The following ITGA2 variants were observed in gnomAD, a reference collection of about 807,000 sequenced individuals.
ITGA2 encodes integrin subunit alpha 2.
In ITGA2, 101 loss-of-function variants were observed where a neutral mutation model predicts 146.3. The ratio of observed to expected loss-of-function variants is 0.69; its 90% CI spans 0.59 to 0.81. ITGA2 has a LOEUF of 0.81. Ranked by LOEUF, ITGA2 falls within the 40% of genes least tolerant of loss-of-function variation. The pLI, the probability that ITGA2 is intolerant of heterozygous loss-of-function variation, is 0.00. For missense variants in ITGA2, 1,281 were observed against 1,402.7 expected, an observed-to-expected ratio of 0.91 and a Z score of 1.39; for synonymous variants, 477 against 487.1, an observed-to-expected ratio of 0.98 and a Z score of 0.27.
intron 1 of ITGA2, among the ~76,000 whole-genome samples, chr5:53,026,250 A>C (rs1742938515): frequency 6.6e-6 from 1 of 152,238 alleles, no homozygotes; most frequent in Non-Finnish European, 1.5e-5. Flanking sequence ...TTTCATATAG[A>C]GTCCATGTCA....
Position 53,094,417 on chromosome 5 carries a change from T to C in ITGA2, c.*3818T>C, listed in dbSNP as rs1384403184. On this transcript the variant is annotated 3_prime_UTR_variant, in exon 30 of 30. Coordinates refer to ENST00000296585, the MANE Select transcript of ITGA2 (RefSeq NM_002203.4). ...GATTAAGTCAAAATATGAATGTATA[T>C]ATTGCATAACTATGTTAGAATTGTA... 1 of 152,210 alleles carries C rather than the reference T, an allele frequency of 6.6e-6. No homozygotes were observed. The highest frequency in any genetic ancestry group is 1.5e-5 in the Non-Finnish European group (1 of 68,002). The allele number at this position is 152,210 out of a possible 1,614,324, so 9.4% of individuals were successfully genotyped here. A position where few individuals can be genotyped will look rare whatever the true frequency, so the allele number is the denominator to read the frequency against.
chr5:53,006,246 T>C (rs1306617165), intron 1 of ITGA2, among the ~76,000 whole-genome samples: 1 of 152,174 alleles, frequency 6.6e-6, no homozygotes, highest in Non-Finnish European at 1.5e-5. Context: ...GTGAAATTTT[T>C]TAAAAATGGT....
In ITGA2 at chr5:53,045,062, C is replaced by T. The variant is rs1426669869; in HGVS notation, c.357C>T (p.Leu119=). 3.1e-6 allele frequency: 5 copies of T among 1,613,784 alleles called. No homozygotes were observed. In the South Asian group the frequency reaches 3.3e-5, roughly 11 times the overall value. Reference sequence around the variant, plus strand: ...CCAACATGAGCCTCGGCTTGATCCTCACCAGGAACATGGGAACTGGAGGTT... The same window carrying T: ...CCAACATGAGCCTCGGCTTGATCCTTACCAGGAACATGGGAACTGGAGGTT... ...MKTNMSLGLI[L]TRNMGTGGFL... Residue 119 remains leucine (L), a synonymous_variant, in exon 4 of 30, where the codon CTC becomes CTT. Coordinates refer to ENST00000296585, the MANE Select transcript of ITGA2 (RefSeq NM_002203.4).
intron 7 of ITGA2, among the ~76,000 whole-genome samples, chr5:53,055,233 A>T (rs981892278): frequency 2.0e-5 from 3 of 152,120 alleles, no homozygotes; most frequent in Non-Finnish European, 4.4e-5. Flanking sequence ...ATTAATTCAT[A>T]CTGATTAATT....
intron 1 of ITGA2, among the ~76,000 whole-genome samples, chr5:52,991,640 G>A (rs1226611401): frequency 6.6e-6 from 1 of 152,082 alleles, no homozygotes; most frequent in Non-Finnish European, 1.5e-5. Flanking sequence ...ACACATGTGT[G>A]TTTAGACATC....
chr5:53,016,035 C>T (rs1160712403), intron 1 of ITGA2, among the ~76,000 whole-genome samples: 1 of 152,176 alleles, frequency 6.6e-6, no homozygotes. Flanking sequence ...TTGCTTCTTT[C>T]TCCAACTTGC....
chr5:53,017,476 T>C (rs1274598772), intron 1 of ITGA2, among the ~76,000 whole-genome samples: 2 of 152,222 alleles, frequency 1.3e-5, no homozygotes, highest in Non-Finnish European at 2.9e-5. Context: ...AAAGTGTTCA[T>C]GCTCTATATT....
chr5:53,083,089 T>G lies in ITGA2; in HGVS notation c.3145-251T>G, dbSNP rs138136881. Among the ~76,000 whole-genome samples the G allele has an allele frequency of 5.5e-3, 837 of 152,294 alleles. 7 individuals are homozygous for G. Among genetic ancestry groups the G allele is most frequent in the African/African-American group, 0.018 (739 of 41,560 alleles). On this transcript the variant is annotated intron_variant, in intron 26 of 29. Transcript: ENST00000296585. ...GTACTTTGTTCCACATATTGCTGAT[T>G]ATCTCCTGAGGCTATCTATACAGAC...
chr5:52,997,652 A>G lies in ITGA2; in HGVS notation c.64+8120A>G, dbSNP rs79878603. Reference sequence around the variant, plus strand: ...TGCAGGCCTGATCTCATTTCCATGGATACCATGTAGAAATGCAGACTGAAC... The same window carrying G: ...TGCAGGCCTGATCTCATTTCCATGGGTACCATGTAGAAATGCAGACTGAAC... On this transcript the variant is annotated intron_variant, in intron 1 of 29. Coordinates refer to ENST00000296585, the MANE Select transcript of ITGA2 (RefSeq NM_002203.4). 1.6e-4 allele frequency among the ~76,000 whole-genome samples: 25 copies of G among 152,262 alleles called. No homozygotes were observed. The East Asian group carries it at 4.2e-3, about 26-fold the overall frequency.
At chr5:53,066,456 T>G (rs977105910) in intron 15 of ITGA2, among the ~76,000 whole-genome samples, 1 of 151,704 alleles carries the variant, frequency 6.6e-6, no homozygotes, top group African/African-American at 2.4e-5. Context: ...TCCACAGGAG[T>G]TGAAGATTCA....
At chr5:53,028,786 C>T (rs1743078156) in intron 2 of ITGA2, among the ~76,000 whole-genome samples, 3 of 152,180 alleles carry the variant, frequency 2.0e-5, no homozygotes, top group Admixed American at 2.0e-4. Flanking sequence ...ATCCATGAGC[C>T]AGTCCTGTTA....
chr5:53,081,546 A>T (rs1468467334), intron 25 of ITGA2, 46 bp from the exon 26 acceptor site: 11 of 1,398,832 alleles, frequency 7.9e-6, no homozygotes, highest in Non-Finnish European at 1.1e-5. Context: ...GGAACATCAT[A>T]AACTGTTTTG....
intron 1 of ITGA2, among the ~76,000 whole-genome samples, chr5:52,998,267 C>G (rs563619677): frequency 6.6e-6 from 1 of 150,658 alleles, no homozygotes; most frequent in East Asian, 1.9e-4. Flanking sequence ...GCTTGGCCAA[C>G]ATGGTGAAAC....
intron 16 of ITGA2, among the ~76,000 whole-genome samples, 185 bp downstream of exon 16, chr5:53,067,442 C>T (rs779084652): frequency 6.6e-6 from 1 of 151,802 alleles, no homozygotes; most frequent in Non-Finnish European, 1.5e-5. Flanking sequence ...TTAGATCTTC[C>T]TTCCACATCT....
In ITGA2 at chr5:53,090,504, T is replaced by G; in HGVS notation, c.3466-15T>G. 1 of 1,612,664 alleles carries G rather than the reference T, an allele frequency of 6.2e-7. No homozygotes were observed. The highest frequency in any genetic ancestry group is 8.5e-7 in the Non-Finnish European group (1 of 1,178,792). ...AGCCACGGGTGGTAACATTCTTATA[T>G]CATCACCTTTACAGCTCGGCTTCTT... On this transcript the variant is annotated splice_polypyrimidine_tract_variant and intron_variant, in intron 29 of 29. Coordinates refer to ENST00000296585, the MANE Select transcript of ITGA2 (RefSeq NM_002203.4).
chr5:52,996,552 G>C (rs1342134947), intron 1 of ITGA2, among the ~76,000 whole-genome samples: 2 of 152,162 alleles, frequency 1.3e-5, no homozygotes, highest in African/African-American at 4.8e-5. Flanking sequence ...TATGCAAAGA[G>C]GGAAAGAAAG....
At chr5:53,042,252 A>G (rs1429218237) in intron 3 of ITGA2, 31 bp downstream of exon 3, 1 of 1,300,912 alleles carries the variant, frequency 7.7e-7, no homozygotes, top group Non-Finnish European at 1.1e-6. Flanking sequence ...AAGGCATGTG[A>G]TTTGTCTTAG....
Position 53,094,583 on chromosome 5 carries a change from C to A in ITGA2, c.*3984C>A, listed in dbSNP as rs893656653. The A allele has an allele frequency of 2.0e-5, 3 of 152,014 alleles. No homozygotes were observed. The highest frequency in any genetic ancestry group is 6.6e-5 in the Admixed American group (1 of 15,262). 9.4% of individuals were successfully genotyped at this position (152,014 alleles called of 1,614,324 possible). A position where few individuals can be genotyped will look rare whatever the true frequency, so the allele number is the denominator to read the frequency against. On this transcript the variant is annotated 3_prime_UTR_variant, in exon 30 of 30. Coordinates refer to ENST00000296585, the MANE Select transcript of ITGA2 (RefSeq NM_002203.4). Reference sequence around the variant, plus strand: ...CTGTAAAAATAAATGCATGTTTGTACAAAAAGTTGCAGAATTCATTTGATT... The same window carrying A: ...CTGTAAAAATAAATGCATGTTTGTAAAAAAAGTTGCAGAATTCATTTGATT...
intron 15 of ITGA2, among the ~76,000 whole-genome samples, chr5:53,066,748 GA>G (rs1228302261): frequency 2.0e-5 from 3 of 151,212 alleles, no homozygotes; most frequent in African/African-American, 7.3e-5. Flanking sequence ...CTTTTATGTG[GA>G]AAAAATAAAA....
Sources: allele counts gnomAD v4.1 joint callset (sites outside exome capture counted in the v4.1 genomes callset), GRCh38; gene constraint gnomAD v4.1.1; transcripts MANE v1.5; gene names NCBI Gene and HGNC (gene_info 2026-07-23, HGNC 2026-07-21).